The following SLC24A2 variants were observed in gnomAD, a reference collection of about 807,000 sequenced individuals.
SLC24A2 encodes solute carrier family 24 member 2, also known as sodium/potassium/calcium exchanger 2.
SLC24A2 carries 36 observed loss-of-function variants against 62.0 expected under a neutral mutation model. The ratio of observed to expected loss-of-function variants is 0.58; its 90% CI spans 0.44 to 0.77. The LOEUF is 0.77. SLC24A2 is among the 30% of genes least tolerant of loss of function. The pLI is 0.00. For missense variants in SLC24A2, 846 were observed against 817.9 expected (o/e 1.03, Z -0.42); for synonymous variants, 358 against 294.0 (o/e 1.22, Z -2.23).
At chr9:20,020,765 C>G in the SLC24A2 span, among the ~76,000 whole-genome samples, 12 of 152,108 alleles carry the variant, frequency 7.9e-5, no homozygotes, top group Non-Finnish European at 1.5e-4. Flanking sequence ...AATCTATTGG[C>G]TTTCAAAGCT....
chr9:20,151,444 C>G, the SLC24A2 span, among the ~76,000 whole-genome samples: 1 of 151,858 alleles, frequency 6.6e-6, no homozygotes, highest in African/African-American at 2.4e-5. Flanking sequence ...GCATGGCCTT[C>G]TGTTCCATGG....
At chr9:20,284,962 G>A in the SLC24A2 span, among the ~76,000 whole-genome samples, 3 of 152,172 alleles carry the variant, frequency 2.0e-5, no homozygotes, top group Admixed American at 2.0e-4. Context: ...TTTTTCTTAT[G>A]CCTTTGCAAT....
At chr9:19,612,586 G>A (rs889733560) in intron 4 of SLC24A2, among the ~76,000 whole-genome samples, 10 of 152,150 alleles carry the variant, frequency 6.6e-5, no homozygotes, top group Non-Finnish European at 1.2e-4. Flanking sequence ...AATCATCCAA[G>A]GTCACACACC....
intron 2 of SLC24A2, among the ~76,000 whole-genome samples, chr9:19,699,065 G>A (rs1478858116): frequency 2.6e-5 from 4 of 152,118 alleles, no homozygotes; most frequent in Admixed American, 2.6e-4. Context: ...AGATGAATAA[G>A]ATGGAATTCC....
intron 2 of SLC24A2, among the ~76,000 whole-genome samples, chr9:19,631,358 G>A (rs1004894038): frequency 6.6e-6 from 1 of 152,024 alleles, no homozygotes; most frequent in South Asian, 2.1e-4. Flanking sequence ...TCTCCTCCCA[G>A]GTATCTGGCA....
chr9:20,082,712 C>T, the SLC24A2 span, among the ~76,000 whole-genome samples: 1 of 152,232 alleles, frequency 6.6e-6, no homozygotes, highest in Non-Finnish European at 1.5e-5. Context: ...GTGCTTCCCA[C>T]CTCTATTCCC....
At chr9:19,816,115 T>G in the SLC24A2 span, among the ~76,000 whole-genome samples, 2 of 152,090 alleles carry the variant, frequency 1.3e-5, no homozygotes, top group African/African-American at 2.4e-5. Context: ...GCTTTCTTAC[T>G]AGGAGTATTC....
At chr9:19,749,340 T>C (rs986948119) in intron 2 of SLC24A2, among the ~76,000 whole-genome samples, 1 of 152,076 alleles carries the variant, frequency 6.6e-6, no homozygotes, top group Non-Finnish European at 1.5e-5. Context: ...TTATATTTGG[T>C]TGGATGTCCA....
the SLC24A2 span, among the ~76,000 whole-genome samples, chr9:20,041,116 TGAG>T: frequency 6.6e-6 from 1 of 152,182 alleles, no homozygotes; most frequent in Non-Finnish European, 1.5e-5. Context: ...CATATGAGAA[TGAG>T]GAGAGAGAAA....
chr9:20,093,015 G>T, the SLC24A2 span, among the ~76,000 whole-genome samples: 4 of 151,892 alleles, frequency 2.6e-5, no homozygotes, highest in African/African-American at 7.3e-5. Context: ...TTTCTTATGT[G>T]AATTGTATTT....
the SLC24A2 span, among the ~76,000 whole-genome samples, chr9:20,105,384 A>G: frequency 2.0e-5 from 3 of 152,172 alleles, no homozygotes; most frequent in Non-Finnish European, 4.4e-5. Flanking sequence ...CCCCAAATCA[A>G]CAGAATATAC....
intron 2 of SLC24A2, among the ~76,000 whole-genome samples, chr9:19,736,416 C>T (rs991907647): frequency 2.6e-5 from 4 of 152,102 alleles, no homozygotes; most frequent in African/African-American, 9.7e-5. Flanking sequence ...ACAAGAGATA[C>T]ATTTTGAATA....
chr9:20,142,695 A>G, the SLC24A2 span, among the ~76,000 whole-genome samples: 1 of 152,134 alleles, frequency 6.6e-6, no homozygotes, highest in Non-Finnish European at 1.5e-5. Context: ...CCCTGGGTTC[A>G]AGAGATTCTC....
At chr9:19,677,222 G>A (rs900133434) in intron 2 of SLC24A2, among the ~76,000 whole-genome samples, 116 of 152,160 alleles carry the variant, frequency 7.6e-4, no homozygotes, top group Admixed American at 5.2e-3. Context: ...AATGTAGTAC[G>A]TATACACAAT....
At chr9:20,153,613 G>A in the SLC24A2 span, among the ~76,000 whole-genome samples, 1 of 151,814 alleles carries the variant, frequency 6.6e-6, no homozygotes, top group Non-Finnish European at 1.5e-5. Flanking sequence ...TGTAATTATT[G>A]TTCTATGATT....
intron 7 of SLC24A2, among the ~76,000 whole-genome samples, chr9:19,562,324 A>G (rs1434459593): frequency 1.3e-5 from 2 of 152,166 alleles, no homozygotes; most frequent in Middle Eastern, 3.2e-3. Flanking sequence ...TTCTTTCCAG[A>G]GTGGTAATGG....
At chr9:19,687,422 T>C (rs745615583) in intron 2 of SLC24A2, among the ~76,000 whole-genome samples, 32 of 152,126 alleles carry the variant, frequency 2.1e-4, no homozygotes, top group African/African-American at 7.7e-4. Flanking sequence ...GGAATTCGTG[T>C]GATAGACTCG....
At chr9:20,150,149 G>T in the SLC24A2 span, among the ~76,000 whole-genome samples, 1 of 151,984 alleles carries the variant, frequency 6.6e-6, no homozygotes, top group African/African-American at 2.4e-5. Flanking sequence ...TGACCTGCAG[G>T]TCATATAGCT....
the SLC24A2 span, among the ~76,000 whole-genome samples, chr9:19,989,170 T>C: frequency 6.6e-6 from 1 of 152,116 alleles, no homozygotes; most frequent in African/African-American, 2.4e-5. Flanking sequence ...GTAAGTAGAG[T>C]TCATTAACCA....
Sources: allele counts gnomAD v4.1 joint callset (sites outside exome capture counted in the v4.1 genomes callset), GRCh38; gene constraint gnomAD v4.1.1; transcripts MANE v1.5; gene names NCBI Gene and HGNC (gene_info 2026-07-23, HGNC 2026-07-21).